LPIN1: variants seen among roughly 807,000 people sequenced by gnomAD.
LPIN1 encodes lipin 1.
Under a neutral mutation model 107.5 loss-of-function variants are expected in LPIN1, and 71 were observed. The ratio of observed to expected loss-of-function variants is 0.66; its 90% confidence interval spans 0.55 to 0.80. The LOEUF is 0.80. Ranked by LOEUF, LPIN1 falls within the 30% of genes least tolerant of loss-of-function variation. LPIN1 has a pLI of 0.00. For missense variants in LPIN1, 1,043 were observed against 1,160.6 expected (o/e 0.90, Z 1.47); for synonymous variants, 445 against 452.6 (o/e 0.98, Z 0.21).
intron 2 of LPIN1, chr2:11,741,534 C>T: frequency 1.2e-6 from 1 of 855,442 alleles, no homozygotes; most frequent in Non-Finnish European, 1.8e-6. Context: ...AAATTGGTTC[C>T]AAACATTGCC....
intron 18 of LPIN1, chr2:11,816,342 T>C (rs1037422658): frequency 6.6e-5 from 10 of 152,230 alleles, no homozygotes; most frequent in Non-Finnish European, 1.2e-4. Flanking sequence ...AATCCTGATA[T>C]TTTAGTGAAA....
intron 2 of LPIN1, among the ~76,000 whole-genome samples, chr2:11,717,389 A>G (rs1663817317): frequency 1.3e-5 from 2 of 152,128 alleles, no homozygotes; most frequent in African/African-American, 4.8e-5. Context: ...CCTTACTTGT[A>G]AAGAGTTTTC....
At chr2:11,800,815 C>G (rs1037962991) in intron 14 of LPIN1, among the ~76,000 whole-genome samples, 3 of 152,110 alleles carry the variant, frequency 2.0e-5, no homozygotes, top group African/African-American at 7.2e-5. Context: ...CAGATCCTTT[C>G]CCCACTTTTA....
chr2:11,804,635 C>A, intron 16 of LPIN1, 64 bp downstream of exon 16: 1 of 1,553,144 alleles, frequency 6.4e-7, no homozygotes, highest in Non-Finnish European at 8.9e-7. Flanking sequence ...GTCTCTGGGC[C>A]TGGTGTTGGC....
At chr2:11,767,972 G>T in intron 3 of LPIN1, 114 bp downstream of exon 3, 1 of 755,090 alleles carries the variant, frequency 1.3e-6, no homozygotes, top group South Asian at 1.4e-5. Flanking sequence ...CTGTGTGGAC[G>T]ATGGGGCAGA....
intron 1 of LPIN1, among the ~76,000 whole-genome samples, chr2:11,695,762 A>G (rs1196749611): frequency 1.3e-5 from 2 of 152,256 alleles, no homozygotes; most frequent in Non-Finnish European, 2.9e-5. Flanking sequence ...ATTTATTGGC[A>G]GTTCAGATCT....
intron 12 of LPIN1, among the ~76,000 whole-genome samples, chr2:11,791,043 A>C (rs1190815970): frequency 6.6e-6 from 1 of 152,120 alleles, no homozygotes; most frequent in Admixed American, 6.5e-5. Context: ...AGGGTCATTC[A>C]CAGCTTTGTC....
rs1678498330 is a variant in LPIN1, at chr2:11,805,392, A to G, written c.2249+236A>G. 5 of 606,890 alleles carry G rather than the reference A, an allele frequency of 8.2e-6. No homozygotes were observed. The South Asian group carries it at 9.4e-5, about 11-fold the overall frequency. 37.6% of individuals were successfully genotyped at this position (606,890 alleles called of 1,614,324 possible). On this transcript the variant is annotated intron_variant, in intron 17 of 20. Coordinates refer to ENST00000674199, the MANE Select transcript of LPIN1 (RefSeq NM_001349206.2). Reference sequence around the variant, plus strand: ...CAAGGGGCGAAGTATAGGGGAATTGATTACTAGGAGAACACAGATGGTGGC... The same window carrying G: ...CAAGGGGCGAAGTATAGGGGAATTGGTTACTAGGAGAACACAGATGGTGGC...
chr2:11,683,713 C>T (rs769350866), intron 1 of LPIN1, among the ~76,000 whole-genome samples: 11 of 152,170 alleles, frequency 7.2e-5, no homozygotes, highest in Non-Finnish European at 1.5e-4. Context: ...TTTGCCCTGC[C>T]CTGCCCTGCA....
At chr2:11,693,804 ATATATATATATATATATATTTTTTTT>A (rs1370279249) in intron 1 of LPIN1, among the ~76,000 whole-genome samples, 3 of 24,072 alleles carry the variant, frequency 1.2e-4, no homozygotes, top group African/African-American at 3.0e-4. Flanking sequence ...ATATATATAT[ATATATATATATATATATATTTTTTTT>A]TTTTTTTTTT....
intron 1 of LPIN1, among the ~76,000 whole-genome samples, chr2:11,740,700 AAAAG>A (rs1319348984): frequency 2.7e-5 from 3 of 112,748 alleles, no homozygotes; most frequent in Non-Finnish European, 5.4e-5. Flanking sequence ...AAAAAAAAAA[AAAAG>A]GAAGAAAGAA....
At chr2:11,812,302 C>T (rs1379983265) in intron 17 of LPIN1, among the ~76,000 whole-genome samples, 1 of 152,210 alleles carries the variant, frequency 6.6e-6, no homozygotes, top group African/African-American at 2.4e-5. Flanking sequence ...TCCCTGTCCT[C>T]ATGGAGTTTA....
In LPIN1 at chr2:11,780,864, G is replaced by C. The variant is rs149976988; in HGVS notation, c.957+1219G>C. 1.8e-3 allele frequency among the ~76,000 whole-genome samples: 274 copies of C among 152,328 alleles called. 2 individuals are homozygous for C. The Middle Eastern group carries it at 0.02, about 11-fold the overall frequency. On this transcript the variant is annotated intron_variant, in intron 7 of 20. Coordinates refer to ENST00000674199, the MANE Select transcript of LPIN1 (RefSeq NM_001349206.2). ...TTCTTTCTCCTTGGCTGTGGTACAT[G>C]CACGCTGAGCCCCAGTTTCCCTATC...
intron 1 of LPIN1, chr2:11,677,836 C>G: frequency 1.0e-6 from 1 of 983,218 alleles, no homozygotes; most frequent in Non-Finnish European, 1.5e-6. Context: ...GCGCCCAGAG[C>G]GCCTTGTTCG....
chr2:11,717,138 G>A (rs1049407172), intron 2 of LPIN1, among the ~76,000 whole-genome samples: 2 of 152,158 alleles, frequency 1.3e-5, no homozygotes, highest in South Asian at 2.1e-4. Context: ...TGATCAAAGC[G>A]ATTTATGTGG....
chr2:11,808,280 G>A (rs1429865877), intron 17 of LPIN1, among the ~76,000 whole-genome samples: 1 of 152,146 alleles, frequency 6.6e-6, no homozygotes, highest in Non-Finnish European at 1.5e-5. Context: ...ACTGATGAAA[G>A]TAATTCCCAT....
intron 17 of LPIN1, among the ~76,000 whole-genome samples, chr2:11,808,204 G>A (rs1029332033): frequency 1.3e-5 from 2 of 152,164 alleles, no homozygotes; most frequent in African/African-American, 4.8e-5. Flanking sequence ...CTTGGGCCTG[G>A]CTTGTTGGCC....
chr2:11,737,040 G>A (rs1665856958), intron 1 of LPIN1, among the ~76,000 whole-genome samples: 1 of 152,234 alleles, frequency 6.6e-6, no homozygotes, highest in Non-Finnish European at 1.5e-5. Context: ...AGTGGACCAG[G>A]AGGAGGGAGC....
At chr2:11,800,920 T>C (rs1677606631) in intron 14 of LPIN1, among the ~76,000 whole-genome samples, 1 of 152,222 alleles carries the variant, frequency 6.6e-6, no homozygotes, top group Non-Finnish European at 1.5e-5. Flanking sequence ...TTTGCACATA[T>C]CTTCTTCCAT....
Sources: gnomAD v4.1 joint callset for allele counts (sites outside exome capture counted in the v4.1 genomes callset) on GRCh38, gnomAD v4.1.1 for gene constraint, MANE v1.5 for transcripts, NCBI Gene and HGNC (gene_info 2026-07-23, HGNC 2026-07-21) for gene names.